The following SART3 variants were observed in gnomAD, a reference collection of about 807,000 sequenced individuals.
SART3 encodes spliceosome associated factor 3, U4/U6 recycling protein.
Under a neutral mutation model 122.3 loss-of-function variants are expected in SART3, and 44 were observed. That is an observed-to-expected ratio of 0.36 (90% CI 0.28 to 0.46). SART3 has a LOEUF of 0.46. SART3 is among the 20% of genes least tolerant of loss of function. SART3 has a pLI of 1.00. For synonymous variants in SART3, 442 were observed against 454.0 expected (o/e 0.97, Z 0.34); for missense variants, 1,101 against 1,229.0 (o/e 0.90, Z 1.56).
intron 3 of SART3, among the ~76,000 whole-genome samples, chr12:108,545,917 G>A (rs1245302987): frequency 3.1e-5 from 4 of 131,144 alleles, no homozygotes; most frequent in Admixed American, 9.0e-5. Context: ...GCAGTGAGCC[G>A]AGATCACACC....
At position 108,541,998 on chromosome 12, in the gene SART3, CTTTTTTTTTTTTTT is replaced by C. The variant is rs55746158; in HGVS notation, c.906+1016_906+1029del. 1.0e-3 allele frequency among the ~76,000 whole-genome samples: 68 copies of C among 68,106 alleles called. 1 individual carries two copies. The highest frequency in any genetic ancestry group is 3.5e-3 in the African/African-American group (64 of 18,522). The allele number at this position is 68,106 out of a possible 152,430, so 44.7% of individuals were successfully genotyped here. A position where few individuals can be genotyped will look rare whatever the true frequency, so the allele number is the denominator to read the frequency against. ...TACAGACACATGCCACCAAGCCCGGCTTTTTTTTTTTTTTTTTTTTTTTTTTTTTGGTAGAGACA... is the reference window on the plus strand; with the variant it reads ...TACAGACACATGCCACCAAGCCCGGCTTTTTTTTTTTTTTTGGTAGAGACA... On this transcript the variant is annotated intron_variant, in intron 6 of 18. Coordinates refer to ENST00000546815, the MANE Select transcript of SART3 (RefSeq NM_014706.4).
At chr12:108,543,743 G>C (rs1350848614) in intron 5 of SART3, among the ~76,000 whole-genome samples, 1 of 152,152 alleles carries the variant, frequency 6.6e-6, no homozygotes, top group Non-Finnish European at 1.5e-5. Context: ...TAACATGTGG[G>C]CTCCAGTAAA....
rs72643410 is a variant in SART3, at chr12:108,547,563, T to A, written c.544+324A>T. On this transcript the variant is annotated intron_variant, in intron 3 of 18. Coordinates refer to ENST00000546815, the MANE Select transcript of SART3 (RefSeq NM_014706.4). ...CTTTTAATGTTTTAATCTTTTTTTT[T>A]AAAGCATCCTGTCCAAAACCTCTAA... Among the ~76,000 whole-genome samples the A allele has an allele frequency of 1.3e-3, 194 of 152,272 alleles. 2 individuals carry two copies. The East Asian group carries it at 0.013, about 10-fold the overall frequency.
intron 15 of SART3, among the ~76,000 whole-genome samples, chr12:108,528,455 C>T (rs1464169628): frequency 2.0e-5 from 3 of 149,294 alleles, no homozygotes; most frequent in Non-Finnish European, 4.4e-5. Context: ...TGCACTCCAG[C>T]CTGGGCGACA....
chr12:108,557,489 G>T (rs555550013), intron 1 of SART3, among the ~76,000 whole-genome samples: 2 of 152,166 alleles, frequency 1.3e-5, no homozygotes, highest in Non-Finnish European at 2.9e-5. Flanking sequence ...AGGACTGATG[G>T]AAAGAAAACA....
At chr12:108,533,950 G>T (rs1478024139) in intron 12 of SART3, among the ~76,000 whole-genome samples, 8 of 152,176 alleles carry the variant, frequency 5.3e-5, no homozygotes, top group Non-Finnish European at 2.9e-5. Context: ...ATCTGAAAAT[G>T]CTTCTAAAAT....
At chr12:108,533,404 A>G (rs558439407) in intron 12 of SART3, among the ~76,000 whole-genome samples, 3 of 151,474 alleles carry the variant, frequency 2.0e-5, no homozygotes, top group African/African-American at 7.3e-5. Context: ...AAAAAAAAAA[A>G]GCATATTACT....
At position 108,545,187 on chromosome 12, in the gene SART3, G is replaced by A; in HGVS notation, c.681C>T (p.Leu227=). 1 of 1,614,094 alleles carries A rather than the reference G, an allele frequency of 6.2e-7. No individual in the cohort carries two copies. The highest frequency in any genetic ancestry group is 1.1e-5 in the South Asian group (1 of 91,074). Reference sequence around the variant, plus strand: ...TTTCAAACTCTCGGTAAGCCTCCCAGAGGGCGAGTCCTTTGGTCATATGTA... The same window carrying A: ...TTTCAAACTCTCGGTAAGCCTCCCAAAGGGCGAGTCCTTTGGTCATATGTA... ...VGLHMTKGLA[L]WEAYREFESA... is the part of the protein sequence containing the mutation. Residue 227 remains leucine (L), a synonymous_variant, in exon 4 of 19, where the codon CTC becomes CTT. Coordinates refer to ENST00000546815, the MANE Select transcript of SART3 (RefSeq NM_014706.4).
At chr12:108,533,501 T>C (rs774277998) in intron 12 of SART3, among the ~76,000 whole-genome samples, 7 of 152,184 alleles carry the variant, frequency 4.6e-5, no homozygotes, top group Non-Finnish European at 1.0e-4. Context: ...CACGGTCAGT[T>C]ACTCAGACCT....
intron 1 of SART3, 73 bp downstream of exon 1, chr12:108,560,770 G>T: frequency 7.2e-7 from 1 of 1,384,222 alleles, no homozygotes; most frequent in Non-Finnish European, 9.8e-7. Flanking sequence ...GAGGACTAGG[G>T]AGGCGGGCCA....
At chr12:108,556,936 T>C (rs927272481) in intron 1 of SART3, among the ~76,000 whole-genome samples, 1 of 152,212 alleles carries the variant, frequency 6.6e-6, no homozygotes, top group African/African-American at 2.4e-5. Flanking sequence ...GCCCCTCACA[T>C]GAACACCATG....
chr12:108,546,931 T>C (rs1037583937), intron 3 of SART3, among the ~76,000 whole-genome samples: 4 of 152,326 alleles, frequency 2.6e-5, no homozygotes, highest in Non-Finnish European at 5.9e-5. Flanking sequence ...GCAATTCTCC[T>C]GCCTCAGCCT....
Position 108,526,088 on chromosome 12 carries a change from C to T in SART3, c.2370+11G>A. 6.2e-7 allele frequency: 1 copy of T among 1,610,044 alleles called. No homozygotes were observed. Among genetic ancestry groups the T allele is most frequent in the Non-Finnish European group, 8.5e-7 (1 of 1,177,206 alleles). ...ACAGATGAAAGGCATTCTTTTTTTCCATAAACCTACCTTAAAATCGGGGTT... is the reference window on the plus strand; with the variant it reads ...ACAGATGAAAGGCATTCTTTTTTTCTATAAACCTACCTTAAAATCGGGGTT... On this transcript the variant is annotated intron_variant, in intron 16 of 18. Coordinates refer to ENST00000546815, the MANE Select transcript of SART3 (RefSeq NM_014706.4).
chr12:108,539,114 A>T (rs1352541489), intron 6 of SART3, 25 bp from the exon 7 acceptor site: 1 of 1,613,834 alleles, frequency 6.2e-7, no homozygotes, highest in South Asian at 1.1e-5. Context: ...AATTGTATTG[A>T]ATTTAGTTAC....
chr12:108,541,810 T>C (rs1873177417), intron 6 of SART3, among the ~76,000 whole-genome samples: 1 of 152,054 alleles, frequency 6.6e-6, no homozygotes, highest in Admixed American at 6.5e-5. Flanking sequence ...AGTGCTGGGA[T>C]TACAGGCATG....
At chr12:108,558,335 G>A (rs999387979) in intron 1 of SART3, among the ~76,000 whole-genome samples, 6 of 152,318 alleles carry the variant, frequency 3.9e-5, no homozygotes, top group African/African-American at 1.4e-4. Context: ...GGGAGGCTTG[G>A]AGAAACTGGA....
chr12:108,531,588 G>A, intron 13 of SART3: 1 of 325,282 alleles, frequency 3.1e-6, no homozygotes, highest in Non-Finnish European at 5.8e-6. Context: ...AGAATTTTAA[G>A]AGCTACTCAA....
chr12:108,525,739 A>C, intron 16 of SART3, 130 bp from the exon 17 acceptor site: 1 of 963,704 alleles, frequency 1.0e-6, no homozygotes, highest in East Asian at 2.4e-5. Flanking sequence ...CATGCTCTGA[A>C]ACTTGTTAAT....
chr12:108,558,327 G>A (rs2136699406), intron 1 of SART3, among the ~76,000 whole-genome samples: 1 of 152,348 alleles, frequency 6.6e-6, no homozygotes, highest in East Asian at 1.9e-4. Flanking sequence ...AGGTGGGTGG[G>A]AGGCTTGGAG....
Sources: gnomAD v4.1 joint callset for allele counts (sites outside exome capture counted in the v4.1 genomes callset) on GRCh38, gnomAD v4.1.1 for gene constraint, MANE v1.5 for transcripts, NCBI Gene and HGNC (gene_info 2026-07-23, HGNC 2026-07-21) for gene names.